The following HTR2C variants were observed in gnomAD, a reference collection of about 807,000 sequenced individuals.
HTR2C encodes 5-hydroxytryptamine (serotonin) receptor 2C, G protein-coupled.
A neutral mutation model predicts 21.0 loss-of-function variants in HTR2C; 5 were observed. That is an observed-to-expected ratio of 0.24 (90% CI 0.12 to 0.50). HTR2C has a LOEUF of 0.50. HTR2C is among the 20% of genes least tolerant of loss of function. The pLI is 0.98. For missense variants in HTR2C, 271 were observed against 371.2 expected (o/e 0.73, Z 2.22); for synonymous variants, 150 against 145.3 (o/e 1.03, Z -0.23).
At chrX:114,754,739 C>T (rs948377853) in intron 4 of HTR2C, among the ~76,000 whole-genome samples, 2 of 110,564 alleles carry the variant, frequency 1.8e-5, no homozygotes, top group Admixed American at 1.9e-4. Flanking sequence ...GATTTGACAG[C>T]AAAAGCCCAA....
At position 114,885,548 on chromosome X, in the gene HTR2C, T is replaced by C. The variant is rs1184924639; in HGVS notation, c.551-21041T>C. ...TTGATTTAAAAATGGATATTCATTTTTGACATTGGTATCTTGCACTTTAAT... is the reference window on the plus strand; with the variant it reads ...TTGATTTAAAAATGGATATTCATTTCTGACATTGGTATCTTGCACTTTAAT... On this transcript the variant is annotated intron_variant, in intron 5 of 5. Transcript: ENST00000276198. Among the ~76,000 whole-genome samples, 3 of 112,392 alleles carry C rather than the reference T, an allele frequency of 2.7e-5. No homozygotes were observed. The Admixed American group carries it at 2.8e-4, about 11-fold the overall frequency.
intron 5 of HTR2C, among the ~76,000 whole-genome samples, chrX:114,858,433 G>C (rs1364475139): frequency 9.0e-6 from 1 of 110,969 alleles, no homozygotes; most frequent in Non-Finnish European, 1.9e-5. Flanking sequence ...ATCTTTGTTA[G>C]ATTTATCGTT....
Position 114,604,109 on chromosome X carries a change from G to A in HTR2C, c.-146-9706G>A, listed in dbSNP as rs59149368. ...GATGGTAAGGGGTGCATGATCGGTCGCCAAGGAGGGAGTAGAGGTATCTTA... is the reference window on the plus strand; with the variant it reads ...GATGGTAAGGGGTGCATGATCGGTCACCAAGGAGGGAGTAGAGGTATCTTA... On this transcript the variant is annotated intron_variant, in intron 1 of 5. Coordinates refer to ENST00000276198, the MANE Select transcript of HTR2C (RefSeq NM_000868.4). 7.7e-3 allele frequency among the ~76,000 whole-genome samples: 828 copies of A among 107,681 alleles called. 8 individuals carry two copies. The highest frequency in any genetic ancestry group is 0.026 in the African/African-American group (765 of 29,459). The allele number at this position is 107,681 out of a possible 115,157, so 93.5% of individuals were successfully genotyped here.
In HTR2C at chrX:114,702,536, G is replaced by A. The variant is rs782253847; in HGVS notation, c.-79-24322G>A. Among the ~76,000 whole-genome samples the A allele has an allele frequency of 9.0e-5, 10 of 111,148 alleles. No homozygotes were observed. In the South Asian group the frequency reaches 3.8e-3, roughly 43 times the overall value. ...GAGAGATTTTGTCACCACCAGGCCT[G>A]CCCTAAAAGAGCTCCTGGAGGAAGC... On this transcript the variant is annotated intron_variant, in intron 2 of 5. Coordinates refer to ENST00000276198, the MANE Select transcript of HTR2C (RefSeq NM_000868.4).
rs2069537310 is a variant in HTR2C, at chrX:114,731,516, T to C, written c.258T>C (p.Asn86=). 1 of 1,203,650 alleles carries C rather than the reference T, an allele frequency of 8.3e-7. No homozygotes were observed. Among genetic ancestry groups the C allele is most frequent in the African/African-American group, 1.8e-5 (1 of 56,855 alleles). The change falls in exon 4 of 6, where the codon AAT becomes AAC. Residue 86 remains asparagine (N), a synonymous_variant. Coordinates refer to ENST00000276198, the MANE Select transcript of HTR2C (RefSeq NM_000868.4). The part of the protein sequence containing the change: ...MAVSMEKKLH[N]ATNYFLMSLA... Reference sequence around the variant, plus strand: ...TAAGCATGGAAAAGAAACTGCACAATGCCACCAATTACTTCTTAATGTCCC... The same window carrying C: ...TAAGCATGGAAAAGAAACTGCACAACGCCACCAATTACTTCTTAATGTCCC...
At chrX:114,640,233 C>T (rs1404937616) in intron 2 of HTR2C, among the ~76,000 whole-genome samples, 2 of 111,513 alleles carry the variant, frequency 1.8e-5, no homozygotes, top group Non-Finnish European at 3.8e-5. Flanking sequence ...AACGAATCCT[C>T]GAACCATAAA....
intron 2 of HTR2C, among the ~76,000 whole-genome samples, chrX:114,693,143 T>G (rs1398090363): frequency 1.8e-5 from 2 of 111,721 alleles, no homozygotes; most frequent in Non-Finnish European, 3.8e-5. Flanking sequence ...AATATATATG[T>G]CAAACAAAAA....
At chrX:114,872,371 G>A (rs781836934) in intron 5 of HTR2C, among the ~76,000 whole-genome samples, 33 of 110,194 alleles carry the variant, frequency 3.0e-4, no homozygotes, top group Middle Eastern at 9.4e-3. Context: ...TCATTTTCTA[G>A]TTTTCTTTGA....
intron 4 of HTR2C, among the ~76,000 whole-genome samples, chrX:114,834,295 G>A (rs2070758872): frequency 9.3e-6 from 1 of 107,740 alleles, no homozygotes; most frequent in Non-Finnish European, 1.9e-5. Context: ...AATGTTGACA[G>A]TGGGGTGTTA....
intron 4 of HTR2C, among the ~76,000 whole-genome samples, chrX:114,746,265 G>A (rs1215011105): frequency 9.0e-6 from 1 of 111,641 alleles, no homozygotes; most frequent in Non-Finnish European, 1.9e-5. Flanking sequence ...TTTATATCAT[G>A]TTATGAGACC....
At chrX:114,690,101 G>A (rs1445458166) in intron 2 of HTR2C, among the ~76,000 whole-genome samples, 1 of 111,683 alleles carries the variant, frequency 9.0e-6, no homozygotes, top group African/African-American at 3.3e-5. Context: ...TGAAAAGTCT[G>A]TTTCCTGAGT....
intron 1 of HTR2C, among the ~76,000 whole-genome samples, chrX:114,597,291 CAT>C (rs1379231250): frequency 3.8e-5 from 4 of 105,085 alleles, no homozygotes; most frequent in African/African-American, 1.1e-4. Context: ...GTAAAAAACA[CAT>C]GTTAGAGAAT....
chrX:114,910,014 C>T lies in HTR2C; in HGVS notation c.*2599C>T, dbSNP rs782040481. On this transcript the variant is annotated 3_prime_UTR_variant, in exon 6 of 6. Transcript: ENST00000276198. ...CCTAATTCCTGTATGTTATCCACTA[C>T]AGGTTTTATGAGACTTCCTATTAAT... 40 of 112,161 alleles carry T rather than the reference C, an allele frequency of 3.6e-4. No homozygotes were observed. The highest frequency in any genetic ancestry group is 1.3e-3 in the African/African-American group (39 of 30,814). 9.2% of individuals were successfully genotyped at this position (112,161 alleles called of 1,213,427 possible). A position where few individuals can be genotyped will look rare whatever the true frequency, so the allele number is the denominator to read the frequency against.
chrX:114,632,133 C>T (rs944113105), intron 2 of HTR2C, among the ~76,000 whole-genome samples: 2 of 112,219 alleles, frequency 1.8e-5, no homozygotes, highest in Non-Finnish European at 3.8e-5. Flanking sequence ...ATAGTTTTAG[C>T]ACTGTATAAA....
intron 4 of HTR2C, among the ~76,000 whole-genome samples, chrX:114,778,796 ACC>A (rs2070086064): frequency 9.0e-6 from 1 of 111,311 alleles, no homozygotes; most frequent in South Asian, 3.8e-4. Context: ...ATAATGTCTG[ACC>A]TTCAGGACAC....
At chrX:114,786,258 A>G (rs1196530993) in intron 4 of HTR2C, among the ~76,000 whole-genome samples, 1 of 111,968 alleles carries the variant, frequency 8.9e-6, no homozygotes, top group East Asian at 2.8e-4. Flanking sequence ...CTAAAAAGCA[A>G]TTTAGCATTA....
At chrX:114,826,363 G>A (rs2147464253) in intron 4 of HTR2C, among the ~76,000 whole-genome samples, 1 of 111,804 alleles carries the variant, frequency 8.9e-6, no homozygotes, top group East Asian at 2.8e-4. Flanking sequence ...ACCATGACCA[G>A]CCAAAATACA....
At chrX:114,746,495 A>G (rs1556426106) in intron 4 of HTR2C, among the ~76,000 whole-genome samples, 2 of 111,959 alleles carry the variant, frequency 1.8e-5, no homozygotes, top group Non-Finnish European at 3.8e-5. Context: ...TATAATAACC[A>G]TATGATCATC....
chrX:114,709,173 T>C (rs1556418893), intron 2 of HTR2C, among the ~76,000 whole-genome samples: 1 of 112,188 alleles, frequency 8.9e-6, no homozygotes, highest in African/African-American at 3.2e-5. Flanking sequence ...TATTTCTTTG[T>C]TGTTAATTGT....
Sources: gnomAD v4.1 joint callset for allele counts (sites outside exome capture counted in the v4.1 genomes callset) on GRCh38, gnomAD v4.1.1 for gene constraint, MANE v1.5 for transcripts, NCBI Gene and HGNC (gene_info 2026-07-23, HGNC 2026-07-21) for gene names.